The following KLF13 variants were observed in gnomAD, a reference collection of about 807,000 sequenced individuals.
The protein encoded by KLF13 is KLF transcription factor 13.
In KLF13, 8 loss-of-function variants were observed where a neutral mutation model predicts 16.7. That is an observed-to-expected ratio of 0.48 (90% CI 0.28 to 0.87). The LOEUF is 0.87. KLF13 is among the 40% of genes least tolerant of loss of function. KLF13 has a pLI of 0.10. For synonymous variants in KLF13, 245 were observed against 208.4 expected (o/e 1.18, Z -1.51); for missense variants, 447 against 452.2 (o/e 0.99, Z 0.10).
downstream of KLF13, among the ~76,000 whole-genome samples, chr15:31,407,637 A>G (rs6493657): frequency 0.12 from 18,896 of 152,230 alleles, 3,432 homozygotes; most frequent in African/African-American, 0.4. Flanking sequence ...ACGAGAAAGT[A>G]AAAATCAAGA....
At chr15:31,398,720 A>G (rs2039990437) in intron 2 of KLF13, among the ~76,000 whole-genome samples, 1 of 152,136 alleles carries the variant, frequency 6.6e-6, no homozygotes, top group Non-Finnish European at 1.5e-5. Flanking sequence ...GGAAAGATCA[A>G]GCAGGAGGCC....
At position 31,352,922 on chromosome 15, in the gene KLF13, C is replaced by A. The variant is rs370856239; in HGVS notation, c.578-19088C>A. Among the ~76,000 whole-genome samples the A allele has an allele frequency of 1.1e-4, 16 of 152,258 alleles. 1 individual carries two copies. The highest frequency in any genetic ancestry group is 5.9e-4 in the Admixed American group (9 of 15,292). ...TTTTGTGGGGAGGGCAGTTTCTTGACCGTGGAGCATGACGAGGCTGGACCC... is the reference window on the plus strand; with the variant it reads ...TTTTGTGGGGAGGGCAGTTTCTTGAACGTGGAGCATGACGAGGCTGGACCC... On this transcript the variant is annotated intron_variant, in intron 1 of 1. Transcript: ENST00000307145.
At position 31,327,284 on chromosome 15, in the gene KLF13, G is replaced by A; in HGVS notation, c.72G>A (p.Val24=). The A allele has an allele frequency of 7.5e-7, 1 of 1,332,350 alleles. No homozygotes were observed. Among genetic ancestry groups the A allele is most frequent in the Non-Finnish European group, 9.6e-7 (1 of 1,042,776 alleles). The allele number at this position is 1,332,350 out of a possible 1,614,324, so 82.5% of individuals were successfully genotyped here. Residue 24 remains valine (V), a synonymous_variant, in exon 1 of 2, where the codon GTG becomes GTA. Transcript: ENST00000307145. ...TGTCCATGTCGAGCCGCGCGGTCGT[G>A]CACGGGCCGCGGGAGGGGCCGGAGT... is the stretch of plus-strand genomic sequence containing the variant. The part of the protein sequence containing the change: ...CLVSMSSRAV[V]HGPREGPESR...
At chr15:31,405,238 C>G (rs778757064), downstream of KLF13, among the ~76,000 whole-genome samples, 1 of 151,952 alleles carries the variant, frequency 6.6e-6, no homozygotes, top group African/African-American at 2.4e-5. Flanking sequence ...TGCATGAAGC[C>G]GGGAGGCAGC....
intron 1 of KLF13, among the ~76,000 whole-genome samples, chr15:31,344,762 C>T (rs987013859): frequency 2.0e-5 from 3 of 152,044 alleles, no homozygotes; most frequent in African/African-American, 4.8e-5. Flanking sequence ...TCCTGGAATC[C>T]AGTGCAGAAA....
At chr15:31,417,920 T>C (rs1346174534) in intron 1 of KLF13, among the ~76,000 whole-genome samples, 1 of 152,198 alleles carries the variant, frequency 6.6e-6, no homozygotes, top group Non-Finnish European at 1.5e-5. Context: ...AAAAAGTTTG[T>C]TAAAGTGTAT....
At chr15:31,391,255 G>A (rs868493311), upstream of KLF13, among the ~76,000 whole-genome samples, 194 of 123,882 alleles carry the variant, frequency 1.6e-3, 1 homozygote, top group African/African-American at 5.8e-3. Context: ...GGTGGGTGCT[G>A]GGTGTTGGGC....
At chr15:31,421,316 C>T (rs773486389) in intron 1 of KLF13, among the ~76,000 whole-genome samples, 13 of 151,674 alleles carry the variant, frequency 8.6e-5, no homozygotes, top group Non-Finnish European at 1.5e-4. Context: ...AACACAACGG[C>T]GTAAAAAATA....
At chr15:31,385,342 A>T (rs2039782586) in intron 1 of KLF13, among the ~76,000 whole-genome samples, 1 of 152,194 alleles carries the variant, frequency 6.6e-6, no homozygotes, top group Non-Finnish European at 1.5e-5. Context: ...GAGGGGCCCA[A>T]GGGGGTTGCA....
intron 1 of KLF13, among the ~76,000 whole-genome samples, chr15:31,415,672 C>T (rs970541404): frequency 3.3e-5 from 5 of 151,878 alleles, no homozygotes; most frequent in Admixed American, 1.3e-4. Flanking sequence ...GCTGTAAATA[C>T]CTATGTTAAA....
chr15:31,418,991 T>A (rs1304051021), intron 1 of KLF13, among the ~76,000 whole-genome samples: 1 of 152,138 alleles, frequency 6.6e-6, no homozygotes, highest in African/African-American at 2.4e-5. Context: ...GGAGATCTAA[T>A]TGGCTCACAG....
chr15:31,355,167 G>A (rs1050049750), intron 1 of KLF13, among the ~76,000 whole-genome samples: 1 of 152,208 alleles, frequency 6.6e-6, no homozygotes, highest in Admixed American at 6.5e-5. Flanking sequence ...ACAATCAACA[G>A]TGCTACTAAG....
rs1347698394 is a variant in KLF13, at chr15:31,374,486, G to GATC, written c.*2188_*2190dup. 1 of 152,646 alleles carries GATC rather than the reference G, an allele frequency of 6.6e-6. No homozygotes were observed. The highest frequency in any genetic ancestry group is 2.4e-5 in the African/African-American group (1 of 41,456). The allele number at this position is 152,646 out of a possible 1,614,324, so 9.5% of individuals were successfully genotyped here. A position where few individuals can be genotyped will look rare whatever the true frequency, so the allele number is the denominator to read the frequency against. ...GAGCCCTGGGTGCTTGTGGTGCAAA[G>GATC]ATCTTCATGCCCAGTTCCAAAGTGA... On this transcript the variant is annotated 3_prime_UTR_variant, in exon 2 of 2. Coordinates refer to ENST00000307145, the MANE Select transcript of KLF13 (RefSeq NM_015995.4).
chr15:31,333,898 C>T (rs562553159), intron 1 of KLF13, among the ~76,000 whole-genome samples: 10 of 152,144 alleles, frequency 6.6e-5, no homozygotes, highest in Non-Finnish European at 1.5e-4. Context: ...CTGGTTTAAA[C>T]AAATTTTGGT....
At chr15:31,356,198 G>A (rs1390031431) in intron 1 of KLF13, among the ~76,000 whole-genome samples, 1 of 152,142 alleles carries the variant, frequency 6.6e-6, no homozygotes. Flanking sequence ...GCTCAAGTAG[G>A]ACCTGGTGTC....
intron 2 of KLF13, among the ~76,000 whole-genome samples, chr15:31,396,214 G>A (rs529958960): frequency 1.3e-5 from 2 of 152,030 alleles, no homozygotes; most frequent in Non-Finnish European, 2.9e-5. Context: ...TAGTAGACGG[G>A]GTTTCTCTGT....
At chr15:31,392,140 G>C (rs2039880712), upstream of KLF13, among the ~76,000 whole-genome samples, 2 of 152,330 alleles carry the variant, frequency 1.3e-5, no homozygotes, top group South Asian at 2.1e-4. Flanking sequence ...GGCCGCCGCA[G>C]TACGTCGTCT....
downstream of KLF13, among the ~76,000 whole-genome samples, chr15:31,381,405 C>T (rs1449961905): frequency 3.9e-5 from 6 of 152,280 alleles, no homozygotes; most frequent in African/African-American, 1.4e-4. Context: ...TGGCCTCCTC[C>T]ACTGTCTTCA....
intron 2 of KLF13, among the ~76,000 whole-genome samples, chr15:31,397,874 C>CGGGGGGGGGGGGG (rs139315375): frequency 1.1e-5 from 1 of 90,422 alleles, no homozygotes; most frequent in African/African-American, 5.4e-5. Context: ...GGGGTGGCGG[C>CGGGGGGGGGGGGG]GGGGGGGGTG....
Sources: allele counts gnomAD v4.1 joint callset (sites outside exome capture counted in the v4.1 genomes callset), GRCh38; gene constraint gnomAD v4.1.1; transcripts MANE v1.5; gene names NCBI Gene and HGNC (gene_info 2026-07-23, HGNC 2026-07-21).